The following DSN1 variants were observed in gnomAD, a reference collection of about 807,000 sequenced individuals.
DSN1 encodes DSN1 component of MIS12 kinetochore complex.
In DSN1, 31 loss-of-function variants were observed where a neutral mutation model predicts 45.7. That is an observed-to-expected ratio of 0.68 (90% CI 0.51 to 0.92). The LOEUF (loss-of-function observed/expected upper bound fraction) is 0.92. Among genes scored for constraint, DSN1 ranks in the 40% least tolerant of loss-of-function variants. The pLI, the probability that DSN1 is intolerant of heterozygous loss-of-function variation, is 0.00. For missense variants in DSN1, 394 were observed against 414.2 expected, an observed-to-expected ratio of 0.95 and a Z score of 0.42; for synonymous variants, 134 against 142.3, an observed-to-expected ratio of 0.94 and a Z score of 0.41.
chr20:36,756,835 T>A (rs192495113), intron 8 of DSN1, among the ~76,000 whole-genome samples: 1 of 152,292 alleles, frequency 6.6e-6, no homozygotes, highest in East Asian at 1.9e-4. Flanking sequence ...TCTTACACAT[T>A]ATCTATCTTC....
chr20:36,769,981 G>A (rs1363104788), intron 3 of DSN1, among the ~76,000 whole-genome samples: 1 of 149,104 alleles, frequency 6.7e-6, no homozygotes, highest in Non-Finnish European at 1.5e-5. Context: ...TGAGGCGGGG[G>A]TGGGTGGGGT....
intron 5 of DSN1, among the ~76,000 whole-genome samples, chr20:36,763,133 G>A (rs2148271764): frequency 6.6e-6 from 1 of 152,278 alleles, no homozygotes; most frequent in East Asian, 1.9e-4. Flanking sequence ...GCTGGGCGGG[G>A]TGGCTCACAC....
Position 36,758,175 on chromosome 20 carries a change from G to GA in DSN1, c.651-15dup, listed in dbSNP as rs749963736. On this transcript the variant is annotated splice_polypyrimidine_tract_variant and intron_variant, in intron 7 of 10. Coordinates refer to ENST00000373750, the MANE Select transcript of DSN1 (RefSeq NM_001145315.2). ...TCTAAAGAAAACCTGTAAGAATCAG[G>GA]AAAAAAAGTTCAGTTAATTTTTATA... The GA allele has an allele frequency of 2.7e-5, 44 of 1,611,072 alleles. No individual in the cohort carries two copies. In the African/African-American group the frequency reaches 5.5e-4, roughly 20 times the overall value.
chr20:36,754,806 C>T lies in DSN1; in HGVS notation c.918G>A (p.Met306Ile). ...TCTGGAAGCACTGGGTACTTTCATC[C>T]ATAAAGGCCTGCAGCTGTTTCACTG... ...QGSVKQLQAF[M>I]DESTQCFQKV... Residue 306 changes from methionine (M) to isoleucine (I), a missense_variant, in exon 10 of 11, where the codon ATG becomes ATA. Coordinates refer to ENST00000373750, the MANE Select transcript of DSN1 (RefSeq NM_001145315.2). 6.2e-7 allele frequency: 1 copy of T among 1,613,918 alleles called. No individual in the cohort carries two copies. Among genetic ancestry groups the T allele is most frequent in the East Asian group, 2.2e-5 (1 of 44,876 alleles).
At chr20:36,764,652 G>A (rs1342966644) in intron 5 of DSN1, among the ~76,000 whole-genome samples, 1 of 152,232 alleles carries the variant, frequency 6.6e-6, no homozygotes, top group Non-Finnish European at 1.5e-5. Flanking sequence ...GAGCCATGGT[G>A]GCTCGCGCCT....
In DSN1 at chr20:36,771,043, CCT is replaced by C; in HGVS notation, c.183_184del (p.Gly63LysfsTer3). ...CTGGTGGCTGAGATCACAATTTCCC[CCT>C]TTTTTAGGGCTAGAGCCAAGGTGAA... On this transcript the variant is annotated frameshift_variant, in exon 3 of 11. Coordinates refer to ENST00000373750, the MANE Select transcript of DSN1 (RefSeq NM_001145315.2). LOFTEE classifies it high-confidence loss of function. 8 of 1,614,164 alleles carry C rather than the reference CCT, an allele frequency of 5.0e-6. No individual in the cohort carries two copies. Among genetic ancestry groups the C allele is most frequent in the Non-Finnish European group, 6.8e-6 (8 of 1,180,036 alleles).
rs772630160 is a variant in DSN1 at position 36,754,872 on chromosome 20, G to A, written c.874-22C>T. ...CCATCTGTAGAAAAAAGACAGCTGT[G>A]AGCTGTAAAGGTCCATGGCTTCTTG... is the stretch of plus-strand genomic sequence containing the variant. On this transcript the variant is annotated intron_variant, in intron 9 of 10. Transcript: ENST00000373750. 1.9e-6 allele frequency: 3 copies of A among 1,602,676 alleles called. No homozygotes were observed. In the African/African-American group the frequency reaches 4.0e-5, roughly 21 times the overall value.
At chr20:36,760,372 T>G (rs1184834163) in intron 6 of DSN1, among the ~76,000 whole-genome samples, 1 of 152,238 alleles carries the variant, frequency 6.6e-6, no homozygotes, top group East Asian at 1.9e-4. Flanking sequence ...CTTACCAACT[T>G]TGATTCCTAC....
chr20:36,752,439 C>T lies in DSN1; in HGVS notation c.*349G>A, dbSNP rs1263806313. 1 of 186,352 alleles carries T rather than the reference C, an allele frequency of 5.4e-6. No homozygotes were observed. The highest frequency in any genetic ancestry group is 1.4e-4 in the East Asian group (1 of 7,346). 11.5% of individuals were successfully genotyped at this position (186,352 alleles called of 1,614,324 possible). On this transcript the variant is annotated 3_prime_UTR_variant, in exon 11 of 11. Coordinates refer to ENST00000373750, the MANE Select transcript of DSN1 (RefSeq NM_001145315.2). The stretch of plus-strand genomic sequence containing the variant: ...TTACAATCGGAATCCAACTTGGCCA[C>T]TAAAATGTTTCCTTAGACTTGGTCC...
chr20:36,765,859 A>C (rs1338195015), intron 5 of DSN1, among the ~76,000 whole-genome samples: 13 of 151,440 alleles, frequency 8.6e-5, no homozygotes, highest in African/African-American at 2.2e-4. Flanking sequence ...AAAAAAAAAA[A>C]AAAACAAAAA....
At chr20:36,758,199 T>A in intron 7 of DSN1, 38 bp from the exon 8 acceptor site, 1 of 1,566,778 alleles carries the variant, frequency 6.4e-7, no homozygotes, top group Non-Finnish European at 8.8e-7. Context: ...TTAATTTTTA[T>A]AATCTTATTC....
chr20:36,763,500 C>T (rs1428848439), intron 5 of DSN1, among the ~76,000 whole-genome samples: 2 of 151,096 alleles, frequency 1.3e-5, no homozygotes, highest in Non-Finnish European at 2.9e-5. Context: ...TGGGCATAGC[C>T]GGGCATAGTG....
chr20:36,771,982 G>C (rs1023759959), intron 1 of DSN1, among the ~76,000 whole-genome samples: 4 of 152,294 alleles, frequency 2.6e-5, no homozygotes, highest in Middle Eastern at 3.4e-3. Context: ...CCCAGTTCAG[G>C]TGATTCTCCT....
intron 5 of DSN1, among the ~76,000 whole-genome samples, chr20:36,766,089 G>A (rs1346983612): frequency 1.3e-5 from 2 of 150,184 alleles, no homozygotes; most frequent in Non-Finnish European, 3.0e-5. Flanking sequence ...AGCTACTCAG[G>A]AGGCTGAGGC....
chr20:36,771,060 GC>G lies in DSN1; in HGVS notation c.167del (p.Gly56AlafsTer46). 6.2e-7 allele frequency: 1 copy of G among 1,614,168 alleles called. No homozygotes were observed. Among genetic ancestry groups the G allele is most frequent in the Non-Finnish European group, 8.5e-7 (1 of 1,180,048 alleles). ...AATTTCCCCCTTTTTTAGGGCTAGA[GC>G]CAAGGTGAATTCTTTCCTCTGAAAC... is the stretch of plus-strand genomic sequence containing the variant. ...QGVSEERIHL[G>X]SSPKKGGNCD... is the part of the protein sequence containing the mutation. On this transcript the variant is annotated frameshift_variant, in exon 3 of 11. Coordinates refer to ENST00000373750, the MANE Select transcript of DSN1 (RefSeq NM_001145315.2). LOFTEE classifies it high-confidence loss of function.
intron 3 of DSN1, among the ~76,000 whole-genome samples, chr20:36,769,389 C>T (rs1987515072): frequency 1.3e-5 from 2 of 152,190 alleles, no homozygotes; most frequent in Non-Finnish European, 2.9e-5. Flanking sequence ...AATAACCAGG[C>T]AAGAACCAAT....
Position 36,762,517 on chromosome 20 carries a change from A to C in DSN1, c.534T>G (p.Phe178Leu). 6.2e-7 allele frequency: 1 copy of C among 1,613,856 alleles called. No homozygotes were observed. Among genetic ancestry groups the C allele is most frequent in the Non-Finnish European group, 8.5e-7 (1 of 1,179,894 alleles). The change falls in exon 6 of 11, where the codon TTT (phenylalanine) becomes TTG (leucine). Residue 178 changes from phenylalanine to leucine, a missense_variant. By Grantham distance (22) the Phe-to-Leu change is conservative (BLOSUM62 0). Coordinates refer to ENST00000373750, the MANE Select transcript of DSN1 (RefSeq NM_001145315.2). The stretch of plus-strand genomic sequence containing the variant: ...TTCCATCAGTTTCCAGTCCGTCTGC[A>C]AAATGTTTCAATTCTTCAGAAAGAG... ...ASSLSEELKH[F>L]ADGLETDGTL... is the part of the protein sequence containing the mutation.
At chr20:36,769,928 C>CAG (rs1987544949) in intron 3 of DSN1, among the ~76,000 whole-genome samples, 1 of 142,440 alleles carries the variant, frequency 7.0e-6, no homozygotes, top group Non-Finnish European at 1.5e-5. Flanking sequence ...CACACACACA[C>CAG]ACACACACAC....
rs148260294 is a variant in DSN1, at chr20:36,762,522, G to A, written c.529C>T (p.His177Tyr). ...TCAGTTTCCAGTCCGTCTGCAAAAT[G>A]TTTCAATTCTTCAGAAAGAGAAGAT... Reference protein sequence around the residue: ...KASSLSEELKHFADGLETDGT... With the variant: ...KASSLSEELKYFADGLETDGT... Residue 177 changes from histidine to tyrosine, a missense_variant, in exon 6 of 11, where the codon CAT becomes TAT. Physicochemically the swap from His to Tyr is moderately conservative, Grantham distance 83. Transcript: ENST00000373750. 2.5e-6 allele frequency: 4 copies of A among 1,613,590 alleles called. No homozygotes were observed. The highest frequency in any genetic ancestry group is 3.3e-5 in the Admixed American group (2 of 59,946).
Sources: gnomAD v4.1 joint callset for allele counts (sites outside exome capture counted in the v4.1 genomes callset) on GRCh38, gnomAD v4.1.1 for gene constraint, MANE v1.5 for transcripts, NCBI Gene and HGNC (gene_info 2026-07-23, HGNC 2026-07-21) for gene names.